The following NCALD variants were observed in gnomAD, a reference collection of about 807,000 sequenced individuals.
NCALD encodes neurocalcin-delta.
A neutral mutation model predicts 18.6 loss-of-function variants in NCALD; 10 were observed. The observed-to-expected ratio is 0.54, with a 90% CI of 0.33 to 0.91. The LOEUF is 0.91. NCALD is among the 40% of genes least tolerant of loss of function. The pLI, the probability that NCALD is intolerant of heterozygous loss-of-function variation, is 0.03. For synonymous variants in NCALD, 88 were observed against 87.4 expected, an observed-to-expected ratio of 1.01 and a Z score of -0.04; for missense variants, 184 against 247.6, an observed-to-expected ratio of 0.74 and a Z score of 1.72.
chr8:101,763,265 C>T (rs1014367154), intron 1 of NCALD, among the ~76,000 whole-genome samples: 6 of 152,110 alleles, frequency 3.9e-5, no homozygotes, highest in African/African-American at 1.4e-4. Context: ...GCTCCTTGAG[C>T]AATGATTGTG....
chr8:101,687,921 T>C lies in NCALD; in HGVS notation c.*1388A>G, dbSNP rs1047046195. 5 of 152,182 alleles carry C rather than the reference T, an allele frequency of 3.3e-5. No individual in the cohort carries two copies. Among genetic ancestry groups the C allele is most frequent in the African/African-American group, 1.2e-4 (5 of 41,426 alleles). The allele number at this position is 152,182 out of a possible 1,614,324, so 9.4% of individuals were successfully genotyped here. ...CAAAGAGCACGGCAATGGAAAATAC[T>C]TTTGGATTCTCCATAGGGGGGCCTT... On this transcript the variant is annotated 3_prime_UTR_variant, in exon 4 of 4. Coordinates refer to ENST00000220931, the MANE Select transcript of NCALD (RefSeq NM_032041.3).
chr8:101,803,812 T>C (rs1812956798), intron 4 of NCALD, among the ~76,000 whole-genome samples: 1 of 152,184 alleles, frequency 6.6e-6, no homozygotes, highest in African/African-American at 2.4e-5. Flanking sequence ...TGAATGTTGT[T>C]GAATGACAAT....
At chr8:101,904,699 G>A (rs1817552187) in intron 3 of NCALD, among the ~76,000 whole-genome samples, 1 of 152,164 alleles carries the variant, frequency 6.6e-6, no homozygotes, top group Admixed American at 6.5e-5. Context: ...AGAAGGGTCT[G>A]ATTATTTTCA....
intron 1 of NCALD, among the ~76,000 whole-genome samples, chr8:101,730,049 T>C (rs566046181): frequency 2.6e-5 from 4 of 152,326 alleles, no homozygotes; most frequent in Admixed American, 2.0e-4. Context: ...TCCGATCCGA[T>C]AGCACTCCAT....
At position 101,857,945 on chromosome 8, in the gene NCALD, A is replaced by T. The variant is rs568386651; in HGVS notation, c.-20+29196T>A. On this transcript the variant is annotated intron_variant, in intron 4 of 6. Transcript: ENST00000311028. ...AGCAAAGATACAAATATATACTTAT[A>T]ATACCTAGTGTTAGCAAGGATGCAG... Among the ~76,000 whole-genome samples, 25 of 152,308 alleles carry T rather than the reference A, an allele frequency of 1.6e-4. No individual in the cohort carries two copies. In the South Asian group the frequency reaches 5.0e-3, roughly 30 times the overall value.
chr8:101,818,584 T>A (rs1388590857), intron 4 of NCALD, among the ~76,000 whole-genome samples: 1 of 152,234 alleles, frequency 6.6e-6, no homozygotes, highest in Non-Finnish European at 1.5e-5. Flanking sequence ...ATGTTTCTCC[T>A]CTTCATCTCT....
At chr8:102,069,327 AATT>A (rs954042013) in intron 1 of NCALD, among the ~76,000 whole-genome samples, 3 of 152,108 alleles carry the variant, frequency 2.0e-5, no homozygotes, top group Admixed American at 2.0e-4. Flanking sequence ...AAATATAAAT[AATT>A]ATTATTTGTC....
intron 1 of NCALD, among the ~76,000 whole-genome samples, chr8:102,046,982 C>T (rs572577608): frequency 8.5e-5 from 13 of 152,252 alleles, no homozygotes; most frequent in East Asian, 3.9e-4. Flanking sequence ...CCATTCTCCA[C>T]GCTCAAATAG....
chr8:101,818,002 T>G (rs1476268223), intron 4 of NCALD, among the ~76,000 whole-genome samples: 1 of 152,176 alleles, frequency 6.6e-6, no homozygotes, highest in Admixed American at 6.5e-5. Flanking sequence ...TTCTGAGCAC[T>G]TGTGGTCGGG....
intron 4 of NCALD, among the ~76,000 whole-genome samples, chr8:101,812,475 A>G (rs1251992340): frequency 2.0e-5 from 3 of 152,176 alleles, no homozygotes; most frequent in Non-Finnish European, 4.4e-5. Flanking sequence ...AAGGACTAAA[A>G]AAAAATTTCC....
At chr8:101,905,339 C>T (rs1255854170) in intron 3 of NCALD, among the ~76,000 whole-genome samples, 2 of 151,566 alleles carry the variant, frequency 1.3e-5, no homozygotes, top group African/African-American at 4.9e-5. Context: ...ATTTTTTTGA[C>T]CCCCTACTTG....
intron 4 of NCALD, among the ~76,000 whole-genome samples, chr8:101,833,367 T>C (rs1814264339): frequency 6.6e-6 from 1 of 152,210 alleles, no homozygotes; most frequent in African/African-American, 2.4e-5. Flanking sequence ...ACTGAAGTTT[T>C]ATCCCATTCA....
intron 4 of NCALD, among the ~76,000 whole-genome samples, chr8:101,861,669 C>T (rs1246107710): frequency 1.3e-5 from 2 of 152,084 alleles, no homozygotes; most frequent in Non-Finnish European, 2.9e-5. Context: ...AATCATTAGA[C>T]AGCTCTGTGT....
At chr8:101,826,153 C>T (rs1020472945) in intron 4 of NCALD, among the ~76,000 whole-genome samples, 1 of 152,032 alleles carries the variant, frequency 6.6e-6, no homozygotes, top group Non-Finnish European at 1.5e-5. Context: ...TGGAGCCATA[C>T]CTCCAGCACT....
intron 2 of NCALD, among the ~76,000 whole-genome samples, chr8:101,999,554 C>T (rs1042569597): frequency 9.2e-5 from 14 of 152,044 alleles, no homozygotes; most frequent in Admixed American, 3.3e-4. Flanking sequence ...AAGACTACAC[C>T]TTGGGTACAG....
intron 1 of NCALD, among the ~76,000 whole-genome samples, chr8:101,734,785 A>G (rs1265528414): frequency 6.6e-6 from 1 of 152,198 alleles, no homozygotes; most frequent in Admixed American, 6.5e-5. Flanking sequence ...TAAATAAGGC[A>G]ACAACAACAA....
intron 1 of NCALD, among the ~76,000 whole-genome samples, chr8:102,056,532 C>A (rs1035138184): frequency 2.0e-5 from 3 of 152,210 alleles, no homozygotes; most frequent in African/African-American, 7.2e-5. Flanking sequence ...ACTGAATAAA[C>A]CATCCAGAGT....
intron 1 of NCALD, among the ~76,000 whole-genome samples, chr8:102,046,722 G>A (rs918636601): frequency 2.0e-5 from 3 of 151,372 alleles, no homozygotes; most frequent in African/African-American, 7.3e-5. Context: ...CAAGCAATCT[G>A]CCCATCTCAG....
At chr8:101,965,617 G>A (rs1253213673) in intron 2 of NCALD, among the ~76,000 whole-genome samples, 3 of 152,108 alleles carry the variant, frequency 2.0e-5, no homozygotes, top group Admixed American at 1.3e-4. Flanking sequence ...CCTGTTGTGG[G>A]GTGGGGGGCC....
Sources: gnomAD v4.1 joint callset for allele counts (sites outside exome capture counted in the v4.1 genomes callset) on GRCh38, gnomAD v4.1.1 for gene constraint, MANE v1.5 for transcripts, NCBI Gene and HGNC (gene_info 2026-07-23, HGNC 2026-07-21) for gene names.